CPSF2: variants seen among roughly 807,000 people sequenced by gnomAD.
CPSF2 encodes the protein cleavage and polyadenylation specificity factor subunit 2.
CPSF2 carries 51 observed loss-of-function variants against 84.2 expected under a neutral mutation model. The ratio of observed to expected loss-of-function variants is 0.61; its 90% CI spans 0.48 to 0.77. The LOEUF (loss-of-function observed/expected upper bound fraction) is 0.77. Ranked by LOEUF, CPSF2 falls within the 30% of genes least tolerant of loss-of-function variation. The pLI is 0.00. For synonymous variants in CPSF2, 286 were observed against 311.9 expected (o/e 0.92, Z 0.87); for missense variants, 641 against 929.4 (o/e 0.69, Z 4.03).
rs1295068486 is a variant in CPSF2, at chr14:92,159,069, T to G, written c.1908T>G (p.Asp636Glu). 1 of 1,614,028 alleles carries G rather than the reference T, an allele frequency of 6.2e-7. No homozygotes were observed. Among genetic ancestry groups the G allele is most frequent in the South Asian group, 1.1e-5 (1 of 91,080 alleles). ...AELAWIDGVL[D>E]MRVSKVDTGV... Reference sequence around the variant, plus strand: ...TAGCTTGGATAGATGGTGTCTTAGATATGAGAGTTTCCAAAGTGGACACAG... The same window carrying G: ...TAGCTTGGATAGATGGTGTCTTAGAGATGAGAGTTTCCAAAGTGGACACAG... Residue 636 changes from aspartate to glutamate, a missense_variant, in exon 14 of 16, where the codon GAT becomes GAG. By Grantham distance (45) the Asp-to-Glu change is conservative. Coordinates refer to ENST00000298875, the MANE Select transcript of CPSF2 (RefSeq NM_017437.3).
intron 7 of CPSF2, among the ~76,000 whole-genome samples, chr14:92,139,804 G>A (rs2069050971): frequency 6.6e-6 from 1 of 151,932 alleles, no homozygotes; most frequent in South Asian, 2.1e-4. Context: ...CTCCCAAAGT[G>A]TTGGGATTAC....
chr14:92,141,040 A>C (rs548954530), intron 7 of CPSF2, among the ~76,000 whole-genome samples: 18 of 152,336 alleles, frequency 1.2e-4, no homozygotes, highest in African/African-American at 4.3e-4. Context: ...ATAAAGATAT[A>C]CTTGTTGGAA....
intron 7 of CPSF2, among the ~76,000 whole-genome samples, chr14:92,138,580 C>A (rs535343027): frequency 1.1e-4 from 16 of 152,154 alleles, no homozygotes; most frequent in African/African-American, 3.9e-4. Context: ...CAGGTGTGCA[C>A]CACCACGCCC....
Position 92,156,612 on chromosome 14 carries a change from A to G in CPSF2, c.1576A>G (p.Thr526Ala), listed in dbSNP as rs140484405. The G allele has an allele frequency of 1.4e-3, 2,161 of 1,592,808 alleles. 5 individuals carry two copies. The highest frequency in any genetic ancestry group is 5.7e-3 in the South Asian group (501 of 88,194). ...SDVPTKCIST[T>A]ESIEIKARVT... ...TGTTCCTACTAAATGTATTTCTACAACAGAGTCTATTGAAATAAAGTAAGT... is the reference window on the plus strand; with the variant it reads ...TGTTCCTACTAAATGTATTTCTACAGCAGAGTCTATTGAAATAAAGTAAGT... The change falls in exon 12 of 16, where the codon ACA becomes GCA. Residue 526 changes from threonine to alanine, a missense_variant. Thr to Ala is a moderately conservative substitution (Grantham distance 58). This residue lies in a region of CPSF2 where 430 missense variants were observed against 553.6 expected (regional missense o/e 0.78). Transcript: ENST00000298875.
In CPSF2 at chr14:92,166,996, T is replaced by A. The variant is rs1284320392; in HGVS notation, c.*5252T>A. 1 of 148,522 alleles carries A rather than the reference T, an allele frequency of 6.7e-6. No individual in the cohort carries two copies. Among genetic ancestry groups the A allele is most frequent in the South Asian group, 2.2e-4 (1 of 4,648 alleles). 9.2% of individuals were successfully genotyped at this position (148,522 alleles called of 1,614,324 possible). On this transcript the variant is annotated 3_prime_UTR_variant, in exon 16 of 16. Coordinates refer to ENST00000298875, the MANE Select transcript of CPSF2 (RefSeq NM_017437.3). ...TTTTCATGTGAGTTTAGATTCTGCT[T>A]ATCGATTTCTTTTTTTTCTTTTTTT... is the stretch of plus-strand genomic sequence containing the variant.
At position 92,167,993 on chromosome 14, in the gene CPSF2, T is replaced by C. The variant is rs1363366850; in HGVS notation, c.*6249T>C. ...CAGGCGTGGTGGCTCACACCTGTAA[T>C]CCCAGCACTTTGGGAGGCCGAGGCG... On this transcript the variant is annotated 3_prime_UTR_variant, in exon 16 of 16. Transcript: ENST00000298875. The C allele has an allele frequency of 6.6e-6, 1 of 150,860 alleles. No homozygotes were observed. Among genetic ancestry groups the C allele is most frequent in the Non-Finnish European group, 1.5e-5 (1 of 67,874 alleles). The allele number at this position is 150,860 out of a possible 1,614,324, so 9.3% of individuals were successfully genotyped here.
chr14:92,154,294 C>A, intron 9 of CPSF2, 64 bp from the exon 10 acceptor site: 1 of 1,124,920 alleles, frequency 8.9e-7, no homozygotes, highest in Non-Finnish European at 1.3e-6. Flanking sequence ...ATCTCATATC[C>A]CACTGCTTTA....
intron 2 of CPSF2, among the ~76,000 whole-genome samples, chr14:92,128,316 C>T (rs778441395): frequency 6.6e-6 from 1 of 151,920 alleles, no homozygotes; most frequent in African/African-American, 2.4e-5. Context: ...GGTGAAACTC[C>T]GTCTCTACCA....
At chr14:92,130,659 T>G (rs2141452863) in intron 2 of CPSF2, among the ~76,000 whole-genome samples, 1 of 152,288 alleles carries the variant, frequency 6.6e-6, no homozygotes, top group African/African-American at 2.4e-5. Flanking sequence ...AGTAGATTCA[T>G]ATATGGGTCT....
At chr14:92,158,198 A>G (rs541279325) in intron 13 of CPSF2, among the ~76,000 whole-genome samples, 2 of 152,320 alleles carry the variant, frequency 1.3e-5, no homozygotes, top group South Asian at 2.1e-4. Flanking sequence ...CAGGACAGAC[A>G]GAGTAGGAAA....
Position 92,168,925 on chromosome 14 carries a change from T to G in CPSF2, c.*7181T>G, listed in dbSNP as rs1455001046. 6.6e-6 allele frequency: 1 copy of G among 152,174 alleles called. No individual in the cohort carries two copies. The highest frequency in any genetic ancestry group is 2.4e-5 in the African/African-American group (1 of 41,452). The allele number at this position is 152,174 out of a possible 1,614,324, so 9.4% of individuals were successfully genotyped here. A position where few individuals can be genotyped will look rare whatever the true frequency, so the allele number is the denominator to read the frequency against. On this transcript the variant is annotated 3_prime_UTR_variant, in exon 16 of 16. Coordinates refer to ENST00000298875, the MANE Select transcript of CPSF2 (RefSeq NM_017437.3). ...AATGTATGTGCTTTTTTTGTGAAAT[T>G]GTTAAGGATTCCATGATCCTACTAA...
At chr14:92,155,848 T>C (rs138722789) in intron 11 of CPSF2, among the ~76,000 whole-genome samples, 98 of 152,208 alleles carry the variant, frequency 6.4e-4, no homozygotes, top group African/African-American at 2.3e-3. Context: ...ACAAGTTTTA[T>C]GAGATTAAGA....
At chr14:92,156,436 TAG>T in intron 11 of CPSF2, 41 bp from the exon 12 acceptor site, 2 of 1,566,988 alleles carry the variant, frequency 1.3e-6, no homozygotes, top group Non-Finnish European at 1.7e-6. Context: ...TATGTAGTAT[TAG>T]CTTGCTTTTT....
chr14:92,144,061 T>C (rs993275278), intron 9 of CPSF2, among the ~76,000 whole-genome samples: 1 of 152,210 alleles, frequency 6.6e-6, no homozygotes, highest in Non-Finnish European at 1.5e-5. Context: ...TTGTTCTGTA[T>C]TGCAGCTTCC....
rs564110769 is a variant in CPSF2 at position 92,147,932 on chromosome 14, C to G, written c.1140+4638C>G. Reference sequence around the variant, plus strand: ...TAGAGATGGGAACTTGCTGTGTTGCCCAAGCTGGTCTTGAACTACTGGCCT... The same window carrying G: ...TAGAGATGGGAACTTGCTGTGTTGCGCAAGCTGGTCTTGAACTACTGGCCT... On this transcript the variant is annotated intron_variant, in intron 9 of 15. Transcript: ENST00000298875. Among the ~76,000 whole-genome samples the G allele has an allele frequency of 2.6e-5, 4 of 152,162 alleles. No individual in the cohort carries two copies. The East Asian group carries it at 7.7e-4, about 29-fold the overall frequency.
In CPSF2 at chr14:92,170,802, G is replaced by A. The variant is rs191207636; in HGVS notation, c.*9058G>A. ...TGTCTTCTTCTCTGCATTGTATCAG[G>A]AGGCACATCATGTCAATTTTTTCCA... On this transcript the variant is annotated 3_prime_UTR_variant, in exon 16 of 16. Transcript: ENST00000298875. 6.6e-6 allele frequency: 1 copy of A among 152,298 alleles called. No homozygotes were observed. Among genetic ancestry groups the A allele is most frequent in the African/African-American group, 2.4e-5 (1 of 41,558 alleles). 9.4% of individuals were successfully genotyped at this position (152,298 alleles called of 1,614,324 possible). A position where few individuals can be genotyped will look rare whatever the true frequency, so the allele number is the denominator to read the frequency against.
intron 6 of CPSF2, among the ~76,000 whole-genome samples, chr14:92,136,698 T>TA (rs559969795): frequency 3.7e-4 from 57 of 152,338 alleles, no homozygotes; most frequent in Admixed American, 7.8e-4. Flanking sequence ...TTAAAATAGT[T>TA]ACTTTTGTTT....
At chr14:92,146,530 AC>A (rs2069146678) in intron 9 of CPSF2, among the ~76,000 whole-genome samples, 2 of 152,196 alleles carry the variant, frequency 1.3e-5, no homozygotes, top group African/African-American at 4.8e-5. Context: ...CAAAAAACAA[AC>A]AAAAACACAT....
chr14:92,137,258 C>T (rs1278017648), intron 6 of CPSF2, among the ~76,000 whole-genome samples: 3 of 151,950 alleles, frequency 2.0e-5, no homozygotes, highest in East Asian at 3.8e-4. Context: ...ACTCTGTCAC[C>T]GAGGCTGGAG....
Sources: allele counts gnomAD v4.1 joint callset (sites outside exome capture counted in the v4.1 genomes callset), GRCh38; gene constraint gnomAD v4.1.1; regional missense constraint gnomAD v4.1.1; transcripts MANE v1.5; gene names NCBI Gene and HGNC (gene_info 2026-07-23, HGNC 2026-07-21).